The following VRK2 variants were observed in gnomAD, a reference collection of about 807,000 sequenced individuals.
VRK2 encodes serine/threonine-protein kinase VRK2.
A neutral mutation model predicts 57.6 loss-of-function variants in VRK2; 60 were observed. That is an observed-to-expected ratio of 1.04 (90% CI 0.85 to 1.29). The LOEUF is 1.29. Among genes scored for constraint, VRK2 ranks in the 50% most tolerant of loss-of-function variants. VRK2 has a pLI of 0.00. For synonymous variants in VRK2, 231 were observed against 199.2 expected (o/e 1.16, Z -1.35); for missense variants, 705 against 588.1 (o/e 1.20, Z -2.06).
intron 1 of VRK2, among the ~76,000 whole-genome samples, chr2:57,993,829 G>C (rs1672844835): frequency 1.3e-5 from 2 of 152,188 alleles, no homozygotes; most frequent in African/African-American, 4.8e-5. Context: ...GCAATGCATA[G>C]CAACATCAGG....
intron 1 of VRK2, among the ~76,000 whole-genome samples, chr2:58,013,329 C>T (rs1030140655): frequency 3.3e-5 from 5 of 152,156 alleles, no homozygotes; most frequent in African/African-American, 1.2e-4. Context: ...TACACATCTA[C>T]TAATGTCATC....
intron 1 of VRK2, among the ~76,000 whole-genome samples, chr2:57,926,220 T>C (rs1374900423): frequency 1.3e-5 from 2 of 152,000 alleles, no homozygotes; most frequent in African/African-American, 2.4e-5. Flanking sequence ...TAAATTGTTC[T>C]GTATATATCT....
At chr2:57,960,078 G>T (rs906311660) in intron 1 of VRK2, among the ~76,000 whole-genome samples, 4 of 149,516 alleles carry the variant, frequency 2.7e-5, no homozygotes, top group African/African-American at 4.9e-5. Flanking sequence ...GGTGTGTGAC[G>T]GGGGCTGGGG....
At chr2:58,006,302 T>G (rs1027670300) in intron 1 of VRK2, among the ~76,000 whole-genome samples, 6 of 152,168 alleles carry the variant, frequency 3.9e-5, no homozygotes, top group African/African-American at 1.4e-4. Context: ...TTTTAAAAGT[T>G]TGTTTGGTGG....
At chr2:58,131,406 C>A (rs141433719) in intron 8 of VRK2, among the ~76,000 whole-genome samples, 1 of 151,460 alleles carries the variant, frequency 6.6e-6, no homozygotes, top group Non-Finnish European at 1.5e-5. Flanking sequence ...CAATGCAGAC[C>A]CTATGGACTT....
At chr2:58,054,027 A>G (rs1676146779) in intron 2 of VRK2, among the ~76,000 whole-genome samples, 1 of 152,162 alleles carries the variant, frequency 6.6e-6, no homozygotes, top group Non-Finnish European at 1.5e-5. Flanking sequence ...CTTACAGACA[A>G]GAAATAAAAG....
intron 7 of VRK2, among the ~76,000 whole-genome samples, chr2:58,122,066 C>CTTA (rs1457606272): frequency 6.6e-6 from 1 of 152,160 alleles, no homozygotes; most frequent in Non-Finnish European, 1.5e-5. Context: ...TTCTAACTGA[C>CTTA]TTAGAAAGGT....
intron 8 of VRK2, among the ~76,000 whole-genome samples, chr2:58,124,649 G>C (rs907937585): frequency 6.6e-6 from 1 of 152,072 alleles, no homozygotes; most frequent in Admixed American, 6.5e-5. Flanking sequence ...TCTATTAAAA[G>C]GACCATTGAC....
chr2:57,983,511 C>T (rs568734125), intron 1 of VRK2, among the ~76,000 whole-genome samples: 1 of 152,228 alleles, frequency 6.6e-6, no homozygotes, highest in South Asian at 2.1e-4. Flanking sequence ...CTACCACAAC[C>T]CTGCCAAACT....
At chr2:58,123,334 G>T in intron 8 of VRK2, 101 bp downstream of exon 8, 1 of 1,393,280 alleles carries the variant, frequency 7.2e-7, no homozygotes. Context: ...TCAGTTTGAA[G>T]CATAAGAGCA....
intron 7 of VRK2, among the ~76,000 whole-genome samples, chr2:58,111,522 C>T (rs1675564536): frequency 1.3e-5 from 2 of 152,116 alleles, no homozygotes; most frequent in South Asian, 4.1e-4. Flanking sequence ...GAAGCTGAAG[C>T]AGGAGGATTG....
intron 1 of VRK2, among the ~76,000 whole-genome samples, chr2:57,992,793 C>T (rs1672809241): frequency 6.6e-6 from 1 of 152,192 alleles, no homozygotes; most frequent in Non-Finnish European, 1.5e-5. Context: ...GCCTCGGCCT[C>T]CCAAAGTGCT....
At chr2:58,136,892 GTGTATATATATCATATATATATCATATA>G (rs1680164814) in intron 10 of VRK2, among the ~76,000 whole-genome samples, 2 of 44,602 alleles carry the variant, frequency 4.5e-5, no homozygotes, top group South Asian at 1.8e-3. Context: ...TCATATATAT[GTGTATATATATCATATATATATCATATA>G]TGTGTATATA....
At chr2:58,150,607 T>C (rs1424213453) in intron 12 of VRK2, among the ~76,000 whole-genome samples, 2 of 150,750 alleles carry the variant, frequency 1.3e-5, no homozygotes, top group African/African-American at 4.8e-5. Context: ...TGTTGATTTT[T>C]TTAAAAAAAC....
At position 58,095,632 on chromosome 2, in the gene VRK2, G is replaced by A. The variant is rs188556466; in HGVS notation, c.543+5909G>A. 3.3e-5 allele frequency among the ~76,000 whole-genome samples: 5 copies of A among 151,530 alleles called. No individual in the cohort carries two copies. In the East Asian group the frequency reaches 7.7e-4, roughly 23 times the overall value. ...TTAATTTTATATCCTGTTAATTTACGGAATTATTTGTGGTTCAGAGTGGTT... is the reference window on the plus strand; with the variant it reads ...TTAATTTTATATCCTGTTAATTTACAGAATTATTTGTGGTTCAGAGTGGTT... On this transcript the variant is annotated intron_variant, in intron 7 of 12. Transcript: ENST00000340157.
chr2:58,093,725 A>G (rs1191585694), intron 7 of VRK2, among the ~76,000 whole-genome samples: 1 of 152,160 alleles, frequency 6.6e-6, no homozygotes, highest in Non-Finnish European at 1.5e-5. Flanking sequence ...TGTTTTAGTC[A>G]TGAAGTCCTT....
At chr2:58,057,102 C>T (rs1484549550) in intron 2 of VRK2, among the ~76,000 whole-genome samples, 1 of 152,114 alleles carries the variant, frequency 6.6e-6, no homozygotes, top group African/African-American at 2.4e-5. Context: ...ACAGACACTA[C>T]ATTATAAACT....
chr2:58,046,935 C>T (rs1385260019), intron 1 of VRK2, 67 bp downstream of exon 1: 4 of 985,440 alleles, frequency 4.1e-6, no homozygotes, highest in Non-Finnish European at 3.6e-6. Context: ...GGAGCCGCGG[C>T]CCCGCTCGGA....
At chr2:57,921,300 AC>A (rs1670338972) in intron 1 of VRK2, among the ~76,000 whole-genome samples, 1 of 151,484 alleles carries the variant, frequency 6.6e-6, no homozygotes, top group African/African-American at 2.4e-5. Flanking sequence ...ACACACACAC[AC>A]ACACACACAC....
Sources: gnomAD v4.1 joint callset for allele counts (sites outside exome capture counted in the v4.1 genomes callset) on GRCh38, gnomAD v4.1.1 for gene constraint, MANE v1.5 for transcripts, NCBI Gene and HGNC (gene_info 2026-07-23, HGNC 2026-07-21) for gene names.